ADGRD1: variants seen among roughly 807,000 people sequenced by gnomAD.
The protein encoded by ADGRD1 is G-protein coupled receptor 133.
Under a neutral mutation model 113.4 loss-of-function variants are expected in ADGRD1, and 77 were observed. The ratio of observed to expected loss-of-function variants is 0.68; its 90% CI spans 0.57 to 0.82. The LOEUF is 0.82. Among genes scored for constraint, ADGRD1 ranks in the 40% least tolerant of loss-of-function variants. The pLI is 0.00. For missense variants in ADGRD1, 1,036 were observed against 1,139.1 expected, an observed-to-expected ratio of 0.91 and a Z score of 1.30; for synonymous variants, 474 against 475.0, an observed-to-expected ratio of 1.00 and a Z score of 0.03.
At chr12:131,121,757 G>A (rs889089049) in intron 20 of ADGRD1, among the ~76,000 whole-genome samples, 3 of 152,242 alleles carry the variant, frequency 2.0e-5, no homozygotes, top group South Asian at 2.1e-4. Flanking sequence ...TGGGCCCAGG[G>A]CTCCTGCACC....
chr12:131,097,411 T>C (rs756264566), intron 15 of ADGRD1, among the ~76,000 whole-genome samples: 36 of 152,228 alleles, frequency 2.4e-4, no homozygotes, highest in Admixed American at 8.5e-4. Context: ...TCTCCCGTCC[T>C]GCAGCACCCC....
intron 13 of ADGRD1, among the ~76,000 whole-genome samples, chr12:131,038,324 G>C (rs577660576): frequency 3.3e-5 from 5 of 152,220 alleles, no homozygotes. Context: ...GGCAGATGGC[G>C]CAGGGCAGCC....
intron 18 of ADGRD1, among the ~76,000 whole-genome samples, chr12:131,111,346 C>T (rs1221888211): frequency 6.6e-6 from 1 of 152,224 alleles, no homozygotes; most frequent in Non-Finnish European, 1.5e-5. Flanking sequence ...CCCACTTCAG[C>T]CTCCCAAAGG....
At chr12:131,138,624 A>G (rs1344221027) in intron 24 of ADGRD1, among the ~76,000 whole-genome samples, 1 of 152,120 alleles carries the variant, frequency 6.6e-6, no homozygotes, top group Non-Finnish European at 1.5e-5. Flanking sequence ...AGCCCTGCTC[A>G]GGTGTCCCAT....
In ADGRD1 at chr12:131,140,524, A is replaced by T. The variant is rs1951218120; in HGVS notation, c.*1261A>T. 1 of 152,008 alleles carries T rather than the reference A, an allele frequency of 6.6e-6. No individual in the cohort carries two copies. Among genetic ancestry groups the T allele is most frequent in the Non-Finnish European group, 1.5e-5 (1 of 68,022 alleles). 9.4% of individuals were successfully genotyped at this position (152,008 alleles called of 1,614,324 possible). A position where few individuals can be genotyped will look rare whatever the true frequency, so the allele number is the denominator to read the frequency against. ...GCTGTGAGGTTCATACTGTGCTGAT[A>T]GCACTCGTGGTGTCTGTGAAATGTG... On this transcript the variant is annotated 3_prime_UTR_variant, in exon 25 of 25. Transcript: ENST00000261654.
chr12:131,065,422 G>A (rs528036589), intron 13 of ADGRD1, among the ~76,000 whole-genome samples: 12 of 152,338 alleles, frequency 7.9e-5, no homozygotes, highest in Admixed American at 1.3e-4. Flanking sequence ...TGCTGGAGCC[G>A]CTGACCAAGG....
intron 20 of ADGRD1, among the ~76,000 whole-genome samples, chr12:131,129,838 C>T (rs1313814900): frequency 6.6e-6 from 1 of 152,244 alleles, no homozygotes; most frequent in Non-Finnish European, 1.5e-5. Flanking sequence ...CTTCCATCTC[C>T]ACCTCCCTCT....
At chr12:131,131,578 T>G in intron 20 of ADGRD1, 147 bp from the exon 21 acceptor site, 24 of 610,802 alleles carry the variant, frequency 3.9e-5, no homozygotes, top group Non-Finnish European at 5.2e-5. Flanking sequence ...CGGAACAGGG[T>G]GAGATTTGTC....
At chr12:131,018,348 C>G (rs957542540) in intron 13 of ADGRD1, among the ~76,000 whole-genome samples, 2 of 152,270 alleles carry the variant, frequency 1.3e-5, no homozygotes, top group South Asian at 4.1e-4. Flanking sequence ...GGCATCGGCT[C>G]GGGTTTTGGT....
intron 20 of ADGRD1, among the ~76,000 whole-genome samples, chr12:131,122,925 G>A (rs182558148): frequency 3.7e-4 from 57 of 152,160 alleles, no homozygotes; most frequent in African/African-American, 1.2e-3. Context: ...CATTCCTGAG[G>A]GGACATTACC....
intron 15 of ADGRD1, among the ~76,000 whole-genome samples, chr12:131,098,170 G>GGTGGCCCCTGTCTGGGCCT (rs1566107473): frequency 8.3e-6 from 1 of 120,910 alleles, no homozygotes; most frequent in Non-Finnish European, 1.7e-5. Context: ...TCCTTCTCCC[G>GGTGGCCCCTGTCTGGGCCT]CAGTGGCTGC....
At chr12:131,069,805 G>C (rs1885011919) in intron 13 of ADGRD1, 1 of 152,180 alleles carries the variant, frequency 6.6e-6, no homozygotes, top group Non-Finnish European at 1.5e-5. Context: ...GGCACAAAAA[G>C]GGCAGGCCAA....
At chr12:131,137,178 C>A (rs1951108087) in intron 23 of ADGRD1, 164 bp downstream of exon 23, 2 of 657,266 alleles carry the variant, frequency 3.0e-6, no homozygotes, top group Non-Finnish European at 5.5e-6. Context: ...GGGCCTGCTG[C>A]TGAGCAGCTC....
chr12:130,992,476 G>A lies in ADGRD1; in HGVS notation c.966+84G>A, dbSNP rs1454777817. ...TAGATGTTTCTGTTTGACCTAGATC[G>A]AGTTTAAAAAAAGCAGGAACTTTTA... On this transcript the variant is annotated intron_variant, in intron 8 of 24. Transcript: ENST00000261654. The A allele has an allele frequency of 3.0e-5, 37 of 1,237,146 alleles. No individual in the cohort carries two copies. The East Asian group carries it at 4.0e-4, about 13-fold the overall frequency. The allele number at this position is 1,237,146 out of a possible 1,614,324, so 76.6% of individuals were successfully genotyped here.
chr12:131,053,885 C>A (rs1883626091), intron 13 of ADGRD1, among the ~76,000 whole-genome samples: 1 of 152,188 alleles, frequency 6.6e-6, no homozygotes. Flanking sequence ...AGTCTTGCCA[C>A]CCTCACTGGT....
rs1195940 is a variant in ADGRD1, at chr12:131,131,131, T to G, written c.2176-594T>G. Among the ~76,000 whole-genome samples, 5 of 152,124 alleles carry G rather than the reference T, an allele frequency of 3.3e-5. No individual in the cohort carries two copies. In the East Asian group the frequency reaches 5.8e-4, roughly 18 times the overall value. ...TGCCCAGGTGAGGGGCAGGTTGTGC[T>G]GAAGCCTCTGCCGGGGCCCCTCAGT... On this transcript the variant is annotated intron_variant, in intron 20 of 24. Transcript: ENST00000261654.
intron 2 of ADGRD1, among the ~76,000 whole-genome samples, chr12:130,964,453 A>AG (rs1304461848): frequency 6.6e-6 from 1 of 152,170 alleles, no homozygotes; most frequent in Non-Finnish European, 1.5e-5. Context: ...TGGGAGGCTG[A>AG]GGCAGGTGGA....
intron 13 of ADGRD1, among the ~76,000 whole-genome samples, chr12:131,020,446 A>G (rs1444871305): frequency 6.6e-6 from 1 of 152,216 alleles, no homozygotes; most frequent in Non-Finnish European, 1.5e-5. Context: ...ATAGCACCCC[A>G]GGGCTGAGGT....
At chr12:131,083,649 G>A (rs1018881157) in intron 14 of ADGRD1, among the ~76,000 whole-genome samples, 3 of 152,130 alleles carry the variant, frequency 2.0e-5, no homozygotes, top group African/African-American at 7.2e-5. Flanking sequence ...GAGAAATGTA[G>A]AGAAGAAAAT....
Sources: gnomAD v4.1 joint callset for allele counts (sites outside exome capture counted in the v4.1 genomes callset) on GRCh38, gnomAD v4.1.1 for gene constraint, MANE v1.5 for transcripts, NCBI Gene and HGNC (gene_info 2026-07-23, HGNC 2026-07-21) for gene names.